The following NCBP1 variants were observed in gnomAD, a reference collection of about 807,000 sequenced individuals.
NCBP1 encodes the protein nuclear cap-binding protein subunit 1.
NCBP1 carries 16 observed loss-of-function variants against 111.7 expected under a neutral mutation model. The ratio of observed to expected loss-of-function variants is 0.14; its 90% CI spans 0.10 to 0.22. NCBP1 has a LOEUF of 0.22. Ranked by LOEUF, NCBP1 falls within the 10% of genes least tolerant of loss-of-function variation. The probability of loss-of-function intolerance (pLI) is 1.00; values close to 1 mark genes in which losing one functional copy is unlikely to be tolerated. For synonymous variants in NCBP1, 304 were observed against 314.3 expected, an observed-to-expected ratio of 0.97 and a Z score of 0.35; for missense variants, 607 against 957.5, an observed-to-expected ratio of 0.63 and a Z score of 4.83.
intron 10 of NCBP1, among the ~76,000 whole-genome samples, chr9:97,652,927 G>A (rs1196511959): frequency 6.6e-6 from 1 of 152,116 alleles, no homozygotes; most frequent in African/African-American, 2.4e-5. Flanking sequence ...AAGAGTAAAG[G>A]ATGCAGACTA....
At chr9:97,657,920 A>G (rs1321055089) in intron 14 of NCBP1, among the ~76,000 whole-genome samples, 1 of 105,414 alleles carries the variant, frequency 9.5e-6, no homozygotes, top group Admixed American at 9.4e-5. Context: ...ATATATATAT[A>G]TATATATTTT....
At chr9:97,651,479 C>G in intron 10 of NCBP1, 106 bp downstream of exon 10, 1 of 1,001,352 alleles carries the variant, frequency 1.0e-6, no homozygotes, top group Non-Finnish European at 1.4e-6. Context: ...TTTATTGCTA[C>G]TTGTCCAGCA....
intron 6 of NCBP1, among the ~76,000 whole-genome samples, chr9:97,646,905 C>A (rs1447850221): frequency 2.8e-5 from 4 of 140,900 alleles, no homozygotes; most frequent in South Asian, 2.3e-4. Context: ...CTTTTTTATT[C>A]AAATGATAGC....
At chr9:97,646,884 A>C (rs1380872644) in intron 6 of NCBP1, among the ~76,000 whole-genome samples, 2 of 149,442 alleles carry the variant, frequency 1.3e-5, no homozygotes, top group Admixed American at 1.3e-4. Context: ...GTGTGTATAC[A>C]TATCCTTTCT....
intron 17 of NCBP1, 117 bp from the exon 18 acceptor site, chr9:97,662,833 CTTAG>C: frequency 1.4e-6 from 1 of 703,204 alleles, no homozygotes; most frequent in African/African-American, 1.8e-5. Context: ...ATGGTTAATA[CTTAG>C]TTATTTTGCA....
intron 1 of NCBP1, among the ~76,000 whole-genome samples, chr9:97,638,325 C>T (rs1301822822): frequency 6.6e-6 from 1 of 152,158 alleles, no homozygotes; most frequent in African/African-American, 2.4e-5. Context: ...AAAGGGTTTG[C>T]AGTTCAGAGA....
intron 1 of NCBP1, among the ~76,000 whole-genome samples, chr9:97,636,424 CTATATA>C (rs889502702): frequency 1.6e-4 from 23 of 147,948 alleles, no homozygotes; most frequent in Non-Finnish European, 2.8e-4. Flanking sequence ...GCTTGACTCT[CTATATA>C]TAGAGTGTGT....
At position 97,658,743 on chromosome 9, in the gene NCBP1, A is replaced by C. The variant is rs893749132; in HGVS notation, c.1477A>C (p.Asn493His). The C allele has an allele frequency of 6.3e-7, 1 of 1,589,792 alleles. No individual in the cohort carries two copies. The highest frequency in any genetic ancestry group is 8.6e-7 in the Non-Finnish European group (1 of 1,158,260). ...TTACAAGTATGGAGATGAAAGTAGCAGTAAGTAATGAAACTAATCCCTCTG... is the reference window on the plus strand; with the variant it reads ...TTACAAGTATGGAGATGAAAGTAGCCGTAAGTAATGAAACTAATCCCTCTG... ...CIYKYGDESS[N>H]SLPGHSVALC... Residue 493 changes from asparagine (N) to histidine (H), a missense_variant and splice_region_variant, in exon 15 of 23, where the codon AAT (asparagine) becomes CAT (histidine). This residue lies in a region of NCBP1 where 282 missense variants were observed against 376.5 expected (regional missense o/e 0.75). Coordinates refer to ENST00000375147, the MANE Select transcript of NCBP1 (RefSeq NM_002486.5).
At chr9:97,636,511 ATAAATTTATATTTATATAT>A (rs1827033368) in intron 1 of NCBP1, among the ~76,000 whole-genome samples, 1 of 144,450 alleles carries the variant, frequency 6.9e-6, no homozygotes, top group Non-Finnish European at 1.5e-5. Context: ...TTTATATATT[ATAAATTTATATTTATATAT>A]TATATAAGTT....
rs1157177149 is a variant in NCBP1 at position 97,643,503 on chromosome 9, T to C, written c.381+143T>C. 3.5e-6 allele frequency: 3 copies of C among 851,664 alleles called. No individual in the cohort carries two copies. The African/African-American group carries it at 5.4e-5, about 15-fold the overall frequency. The allele number at this position is 851,664 out of a possible 1,614,324, so 52.8% of individuals were successfully genotyped here. A position where few individuals can be genotyped will look rare whatever the true frequency, so the allele number is the denominator to read the frequency against. Reference sequence around the variant, plus strand: ...TCATAAGCCACCTTTATTTTGACGATACCCCCAAATCTGTAACTGTATCTC... The same window carrying C: ...TCATAAGCCACCTTTATTTTGACGACACCCCCAAATCTGTAACTGTATCTC... On this transcript the variant is annotated intron_variant, in intron 4 of 22. Transcript: ENST00000375147.
At chr9:97,639,491 CAAT>C (rs1285233527) in intron 1 of NCBP1, among the ~76,000 whole-genome samples, 1 of 152,158 alleles carries the variant, frequency 6.6e-6, no homozygotes, top group Non-Finnish European at 1.5e-5. Flanking sequence ...AACTTTGTAA[CAAT>C]AATTCCTTTG....
At chr9:97,652,841 T>C (rs1827537096) in intron 10 of NCBP1, among the ~76,000 whole-genome samples, 1 of 152,206 alleles carries the variant, frequency 6.6e-6, no homozygotes, top group African/African-American at 2.4e-5. Flanking sequence ...ATGTCTGAAA[T>C]GCAAAATGTC....
At chr9:97,644,204 G>A (rs80303547) in intron 4 of NCBP1, among the ~76,000 whole-genome samples, 166 of 152,256 alleles carry the variant, frequency 1.1e-3, no homozygotes, top group African/African-American at 3.9e-3. Flanking sequence ...AATCAAAAAA[G>A]TTTGGACACC....
rs547098723 is a variant in NCBP1 at position 97,664,923 on chromosome 9, C to A, written c.1901+480C>A. 3.9e-5 allele frequency among the ~76,000 whole-genome samples: 6 copies of A among 152,296 alleles called. No individual in the cohort carries two copies. In the South Asian group the frequency reaches 1.0e-3, roughly 26 times the overall value. On this transcript the variant is annotated intron_variant, in intron 19 of 22. Transcript: ENST00000375147. Reference sequence around the variant, plus strand: ...GAGGGATGGGGGAAAGGGGTTCTCACCACAGTCATAATCTTAGGTTTAATG... The same window carrying A: ...GAGGGATGGGGGAAAGGGGTTCTCAACACAGTCATAATCTTAGGTTTAATG...
intron 1 of NCBP1, among the ~76,000 whole-genome samples, chr9:97,636,862 G>T (rs1416160010): frequency 1.3e-5 from 2 of 151,872 alleles, no homozygotes; most frequent in Non-Finnish European, 1.5e-5. Flanking sequence ...AGAGATTTCT[G>T]TGAGGGAGAA....
chr9:97,670,081 C>A (rs1828140383), intron 22 of NCBP1: 6 of 335,992 alleles, frequency 1.8e-5, no homozygotes, highest in South Asian at 1.5e-4. Context: ...CGTCACTACT[C>A]CTGCCTGATT....
At chr9:97,646,590 C>G (rs1282389707) in intron 6 of NCBP1, among the ~76,000 whole-genome samples, 1 of 152,068 alleles carries the variant, frequency 6.6e-6, no homozygotes, top group African/African-American at 2.4e-5. Context: ...AATCCCAGCA[C>G]TTTAGGAGGC....
intron 9 of NCBP1, 75 bp from the exon 10 acceptor site, chr9:97,651,235 T>C (rs1292328590): frequency 3.1e-5 from 39 of 1,255,274 alleles, no homozygotes; most frequent in Non-Finnish European, 4.2e-5. Context: ...TCTAAACACA[T>C]TGCTTTTGAA....
chr9:97,642,297 T>C (rs1278942421), intron 3 of NCBP1, among the ~76,000 whole-genome samples: 1 of 152,158 alleles, frequency 6.6e-6, no homozygotes, highest in Non-Finnish European at 1.5e-5. Context: ...TGTTTAAGGC[T>C]GAACTTGTAT....
Sources: gnomAD v4.1 joint callset for allele counts (sites outside exome capture counted in the v4.1 genomes callset) on GRCh38, gnomAD v4.1.1 for gene constraint, gnomAD v4.1.1 regional missense constraint, MANE v1.5 for transcripts, NCBI Gene and HGNC (gene_info 2026-07-23, HGNC 2026-07-21) for gene names.